The following NBEAL1 variants were observed in gnomAD, a reference collection of about 807,000 sequenced individuals.
NBEAL1 encodes neurobeachin like 1.
NBEAL1 carries 273 observed loss-of-function variants against 351.3 expected under a neutral mutation model. The ratio of observed to expected loss-of-function variants is 0.78; its 90% CI spans 0.70 to 0.86. The LOEUF (loss-of-function observed/expected upper bound fraction) is 0.86, where lower values mean the gene tolerates loss of function less well. NBEAL1 is among the 40% of genes least tolerant of loss of function. The pLI is 0.00. For synonymous variants in NBEAL1, 1,050 were observed against 1,086.4 expected (o/e 0.97, Z 0.66); for missense variants, 2,961 against 3,201.3 (o/e 0.92, Z 1.81).
At chr2:203,021,129 T>C (rs2060765041) in intron 2 of NBEAL1, among the ~76,000 whole-genome samples, 1 of 152,060 alleles carries the variant, frequency 6.6e-6, no homozygotes, top group South Asian at 2.1e-4. Flanking sequence ...GGTTTCACCA[T>C]GTTGGTCAGG....
chr2:203,024,444 G>T (rs1423616848), intron 2 of NBEAL1, among the ~76,000 whole-genome samples: 5 of 151,418 alleles, frequency 3.3e-5, no homozygotes, highest in African/African-American at 1.2e-4. Context: ...TGTAATCGCA[G>T]CTACTTAGGA....
chr2:203,104,946 G>C (rs1385095325), intron 12 of NBEAL1, among the ~76,000 whole-genome samples: 2 of 151,274 alleles, frequency 1.3e-5, no homozygotes, highest in Admixed American at 6.6e-5. Flanking sequence ...TGCAACCCCT[G>C]CCTCCTGGGT....
intron 18 of NBEAL1, among the ~76,000 whole-genome samples, chr2:203,118,376 G>C (rs2062747625): frequency 6.6e-6 from 1 of 152,056 alleles, no homozygotes; most frequent in Admixed American, 6.5e-5. Flanking sequence ...CATTGCATTG[G>C]TTATAAGGTC....
At chr2:203,067,467 T>C (rs1270954841) in intron 6 of NBEAL1, among the ~76,000 whole-genome samples, 4 of 152,204 alleles carry the variant, frequency 2.6e-5, no homozygotes, top group East Asian at 3.8e-4. Flanking sequence ...TTATCCTATG[T>C]GGTTTGTTCT....
At chr2:203,210,572 G>A (rs978669882) in intron 53 of NBEAL1, among the ~76,000 whole-genome samples, 6 of 151,916 alleles carry the variant, frequency 3.9e-5, no homozygotes, top group Non-Finnish European at 7.4e-5. Flanking sequence ...GCTGAGGCAG[G>A]AGAATGGTGT....
chr2:203,093,727 C>T (rs1365015456), intron 10 of NBEAL1, among the ~76,000 whole-genome samples: 1 of 152,052 alleles, frequency 6.6e-6, no homozygotes, highest in Non-Finnish European at 1.5e-5. Context: ...GGTGGCACAC[C>T]TCTGTAATCC....
At position 203,147,470 on chromosome 2, in the gene NBEAL1, C is replaced by G. The variant is rs558506653; in HGVS notation, c.5305-1521C>G. The stretch of plus-strand genomic sequence containing the variant: ...CAATCTAACAAAATATATACAGCAT[C>G]TGCTGTATATATGCCAAAAACTAAA... On this transcript the variant is annotated intron_variant, in intron 33 of 55. Coordinates refer to ENST00000683969, the MANE Select transcript of NBEAL1 (RefSeq NM_001378026.1). Among the ~76,000 whole-genome samples the G allele has an allele frequency of 3.3e-5, 5 of 152,088 alleles. No homozygotes were observed. The South Asian group carries it at 6.2e-4, about 19-fold the overall frequency.
In NBEAL1 at chr2:203,076,484, AAC is replaced by A. The variant is rs776590462; in HGVS notation, c.599-1266_599-1265del. 1.3e-3 allele frequency among the ~76,000 whole-genome samples: 162 copies of A among 120,170 alleles called. 3 individuals carry two copies. Among genetic ancestry groups the A allele is most frequent in the East Asian group, 1.7e-3 (6 of 3,448 alleles). 78.8% of individuals were successfully genotyped at this position (120,170 alleles called of 152,430 possible). A position where few individuals can be genotyped will look rare whatever the true frequency, so the allele number is the denominator to read the frequency against. ...AAAGTAAGACCCTGTCTCAAAAACAAACAAACAAACAAAAAAAAAAGTAGAAA... is the reference window on the plus strand; with the variant it reads ...AAAGTAAGACCCTGTCTCAAAAACAAAAACAAACAAAAAAAAAAGTAGAAA... On this transcript the variant is annotated intron_variant, in intron 7 of 55. Coordinates refer to ENST00000683969, the MANE Select transcript of NBEAL1 (RefSeq NM_001378026.1).
In NBEAL1 at chr2:203,163,941, G is replaced by C. The variant is rs572491927; in HGVS notation, c.5715-2208G>C. On this transcript the variant is annotated intron_variant, in intron 36 of 55. Transcript: ENST00000683969. ...TGTGAAATGTCTGTTCAAGTCTTTT[G>C]CCCATTTTTTAATTGGTTGTCTTTT... Among the ~76,000 whole-genome samples, 9 of 151,912 alleles carry C rather than the reference G, an allele frequency of 5.9e-5. No individual in the cohort carries two copies. The South Asian group carries it at 1.9e-3, about 32-fold the overall frequency.
At chr2:203,175,781 A>G (rs540404055) in intron 42 of NBEAL1, among the ~76,000 whole-genome samples, 31 of 152,302 alleles carry the variant, frequency 2.0e-4, no homozygotes, top group African/African-American at 6.7e-4. Flanking sequence ...CAGCTTTTCC[A>G]TGAATCTTCT....
chr2:203,180,389 T>C lies in NBEAL1; in HGVS notation c.6472T>C (p.Cys2158Arg). The change falls in exon 43 of 56, where the codon TGT (cysteine) becomes CGT (arginine). Residue 2158 changes from cysteine (C) to arginine (R), a missense_variant. Transcript: ENST00000683969. ...HIQLQSGRFDCADRQFHSIPA... is the reference protein window; with the variant it reads ...HIQLQSGRFDRADRQFHSIPA... The stretch of plus-strand genomic sequence containing the variant: ...TTTAATTTCTACATGCAGGTTTGAC[T>C]GTGCAGATCGACAGTTCCATTCTAT... 2 of 1,607,788 alleles carry C rather than the reference T, an allele frequency of 1.2e-6. No individual in the cohort carries two copies. The highest frequency in any genetic ancestry group is 1.7e-6 in the Non-Finnish European group (2 of 1,178,294).
At chr2:203,160,637 A>T (rs901848404) in intron 36 of NBEAL1, among the ~76,000 whole-genome samples, 6 of 152,290 alleles carry the variant, frequency 3.9e-5, no homozygotes, top group East Asian at 1.9e-4. Context: ...AAAAAAAACT[A>T]TACATTTTTG....
At chr2:203,146,880 GATTA>G (rs1278222792) in intron 33 of NBEAL1, among the ~76,000 whole-genome samples, 2 of 152,108 alleles carry the variant, frequency 1.3e-5, no homozygotes, top group African/African-American at 4.8e-5. Flanking sequence ...AACATTTGAA[GATTA>G]ATTAATATAC....
chr2:203,139,507 A>G (rs1396930529), intron 31 of NBEAL1, among the ~76,000 whole-genome samples: 1 of 150,460 alleles, frequency 6.6e-6, no homozygotes, highest in African/African-American at 2.4e-5. Context: ...TATAATATTA[A>G]TAAGAACATG....
rs546682107 is a variant in NBEAL1, at chr2:203,034,587, T to C, written c.52-7178T>C. On this transcript the variant is annotated intron_variant, in intron 2 of 55. Coordinates refer to ENST00000683969, the MANE Select transcript of NBEAL1 (RefSeq NM_001378026.1). ...AACTCTCCTGCCTCAGCCTCCCGAG[T>C]AGCTGGGATTACAGGCATGCACCAC... Among the ~76,000 whole-genome samples, 22 of 147,106 alleles carry C rather than the reference T, an allele frequency of 1.5e-4. 1 individual carries two copies. The highest frequency in any genetic ancestry group is 5.2e-4 in the African/African-American group (21 of 40,606).
At chr2:203,174,201 A>T in intron 41 of NBEAL1, among the ~76,000 whole-genome samples, 1 of 118,034 alleles carries the variant, frequency 8.5e-6, no homozygotes. Flanking sequence ...TAATTATCAC[A>T]GTGCTTTATA....
chr2:203,119,424 CTTT>C lies in NBEAL1; in HGVS notation c.2593-2812_2593-2810del, dbSNP rs57126638. On this transcript the variant is annotated intron_variant, in intron 18 of 55. Transcript: ENST00000683969. ...GTGAGCCACTGCATACGGCCTGTTG[CTTT>C]TTTTTTTTTTTTTTTTTGAGACGGA... Among the ~76,000 whole-genome samples the C allele has an allele frequency of 1.3e-3, 89 of 66,660 alleles. 8 individuals carry two copies. The East Asian group carries it at 0.05, about 37-fold the overall frequency. The allele number at this position is 66,660 out of a possible 152,430, so 43.7% of individuals were successfully genotyped here.
In NBEAL1 at chr2:203,180,430, A is replaced by G; in HGVS notation, c.6513A>G (p.Gln2171=). 1.2e-6 allele frequency: 2 copies of G among 1,612,724 alleles called. No homozygotes were observed. Among genetic ancestry groups the G allele is most frequent in the South Asian group, 1.1e-5 (1 of 90,860 alleles). Residue 2171 remains glutamine (Q), a synonymous_variant, in exon 43 of 56, where the codon CAA becomes CAG. Transcript: ENST00000683969. Reference sequence around the variant, plus strand: ...TCCATTCTATTCCTGCTACCTGGCAAGCTCTTATGGATAATCCATATGATG... The same window carrying G: ...TCCATTCTATTCCTGCTACCTGGCAGGCTCTTATGGATAATCCATATGATG... ...RQFHSIPATW[Q]ALMDNPYDVK...
At chr2:203,068,258 A>G (rs2061625849) in intron 6 of NBEAL1, 135 bp from the exon 7 acceptor site, 1 of 448,400 alleles carries the variant, frequency 2.2e-6, no homozygotes, top group Non-Finnish European at 3.9e-6. Context: ...TTTCAAGATT[A>G]TGCGGATCCT....
Sources: allele counts gnomAD v4.1 joint callset (sites outside exome capture counted in the v4.1 genomes callset), GRCh38; gene constraint gnomAD v4.1.1; transcripts MANE v1.5; gene names NCBI Gene and HGNC (gene_info 2026-07-23, HGNC 2026-07-21).